Variants in PRKCB observed in about 807,000 individuals in gnomAD.
The protein encoded by PRKCB is protein kinase C beta.
Under a neutral mutation model 81.5 loss-of-function variants are expected in PRKCB, and 13 were observed. The ratio of observed to expected loss-of-function variants is 0.16; its 90% CI spans 0.10 to 0.25. The LOEUF (loss-of-function observed/expected upper bound fraction) is 0.25, where lower values mean the gene tolerates loss of function less well. PRKCB is among the 10% of genes least tolerant of loss of function. The pLI is 1.00. For missense variants in PRKCB, 509 were observed against 875.7 expected (o/e 0.58, Z 5.29); for synonymous variants, 335 against 321.4 (o/e 1.04, Z -0.45).
intron 13 of PRKCB, among the ~76,000 whole-genome samples, chr16:24,183,035 T>C (rs1377911751): frequency 6.6e-6 from 1 of 151,894 alleles, no homozygotes; most frequent in Non-Finnish European, 1.5e-5. Flanking sequence ...TTTTTTTGTA[T>C]TTTTTTAGTA....
At chr16:23,883,855 A>G (rs913057743) in intron 2 of PRKCB, among the ~76,000 whole-genome samples, 2 of 152,222 alleles carry the variant, frequency 1.3e-5, no homozygotes, top group African/African-American at 4.8e-5. Flanking sequence ...AACATGAGCC[A>G]TAAACCTGAG....
chr16:24,162,477 C>G (rs1967274405), intron 10 of PRKCB, among the ~76,000 whole-genome samples: 1 of 121,334 alleles, frequency 8.2e-6, no homozygotes, highest in Non-Finnish European at 1.6e-5. Flanking sequence ...GAGACAGGAT[C>G]TCCCTTTGTC....
chr16:24,011,859 A>G (rs983812416), intron 3 of PRKCB, among the ~76,000 whole-genome samples: 1 of 152,202 alleles, frequency 6.6e-6, no homozygotes, highest in Non-Finnish European at 1.5e-5. Context: ...AGATGATAAT[A>G]TACTACTTCT....
intron 9 of PRKCB, among the ~76,000 whole-genome samples, chr16:24,134,282 G>A (rs940483308): frequency 6.6e-6 from 1 of 151,818 alleles, no homozygotes; most frequent in Admixed American, 6.6e-5. Context: ...TGAAACAGCA[G>A]TTACAAAACG....
intron 9 of PRKCB, among the ~76,000 whole-genome samples, chr16:24,133,570 C>A (rs559820084): frequency 6.6e-6 from 1 of 152,286 alleles, no homozygotes; most frequent in South Asian, 2.1e-4. Context: ...ATTTTCTTAA[C>A]CCTTACCAAC....
chr16:24,035,990 A>G (rs1387032667), intron 5 of PRKCB, among the ~76,000 whole-genome samples: 5 of 152,152 alleles, frequency 3.3e-5, no homozygotes, highest in Non-Finnish European at 4.4e-5. Context: ...CTTGATGATA[A>G]ACCCCAGATT....
intron 2 of PRKCB, among the ~76,000 whole-genome samples, chr16:23,985,821 T>C (rs1964796451): frequency 6.6e-6 from 1 of 152,136 alleles, no homozygotes; most frequent in Non-Finnish European, 1.5e-5. Flanking sequence ...AGATATAACA[T>C]ATTACAGAGC....
At chr16:23,976,452 C>T (rs77285584) in intron 2 of PRKCB, among the ~76,000 whole-genome samples, 4,163 of 152,290 alleles carry the variant, frequency 0.027, 107 homozygotes, top group Middle Eastern at 0.051. Context: ...CTGAGTCACA[C>T]GCCCATGCCT....
chr16:24,198,394 C>G (rs780219984), intron 16 of PRKCB, among the ~76,000 whole-genome samples: 6 of 152,172 alleles, frequency 3.9e-5, no homozygotes, highest in Admixed American at 3.3e-4. Flanking sequence ...GCCCAGGGTA[C>G]AAGGATTCAG....
At chr16:24,064,711 A>G (rs1451784062) in intron 5 of PRKCB, among the ~76,000 whole-genome samples, 2 of 151,860 alleles carry the variant, frequency 1.3e-5, no homozygotes, top group African/African-American at 2.4e-5. Flanking sequence ...TTTTCCTTTC[A>G]GTTTTATCAA....
chr16:23,852,101 C>T (rs1444675382), intron 2 of PRKCB, among the ~76,000 whole-genome samples: 2 of 152,108 alleles, frequency 1.3e-5, no homozygotes, highest in African/African-American at 4.8e-5. Flanking sequence ...TATTAGGATG[C>T]CTTTTATTTC....
intron 2 of PRKCB, among the ~76,000 whole-genome samples, chr16:23,846,033 G>A (rs937635577): frequency 6.6e-6 from 1 of 152,168 alleles, no homozygotes; most frequent in Non-Finnish European, 1.5e-5. Context: ...TCCTCACCCT[G>A]TGTCCATCTC....
chr16:23,851,999 G>A (rs1029502635), intron 2 of PRKCB, among the ~76,000 whole-genome samples: 3 of 152,132 alleles, frequency 2.0e-5, no homozygotes, highest in African/African-American at 7.2e-5. Context: ...TTGTTGATCA[G>A]TTCTAACAGC....
chr16:23,953,466 G>A (rs1262744882), intron 2 of PRKCB, among the ~76,000 whole-genome samples: 1 of 152,220 alleles, frequency 6.6e-6, no homozygotes, highest in African/African-American at 2.4e-5. Flanking sequence ...GAGAAAGCAT[G>A]GGGTATCACA....
At chr16:24,124,228 GC>G (rs1425805200) in intron 9 of PRKCB, among the ~76,000 whole-genome samples, 5 of 152,170 alleles carry the variant, frequency 3.3e-5, no homozygotes, top group African/African-American at 1.2e-4. Flanking sequence ...GAAAGAACTA[GC>G]TATGCTTTCA....
At chr16:24,202,308 A>G (rs764227777) in intron 16 of PRKCB, among the ~76,000 whole-genome samples, 1 of 152,102 alleles carries the variant, frequency 6.6e-6, no homozygotes, top group Non-Finnish European at 1.5e-5. Context: ...AGTTCCTGCT[A>G]TTTCCACTTG....
chr16:24,151,673 G>A, intron 9 of PRKCB: 1 of 403,462 alleles, frequency 2.5e-6, no homozygotes, highest in South Asian at 1.8e-5. Flanking sequence ...CATAGACAGT[G>A]GGAGTCGAAT....
chr16:23,851,015 A>G lies in PRKCB; in HGVS notation c.205+13609A>G, dbSNP rs575508082. Among the ~76,000 whole-genome samples the G allele has an allele frequency of 5.3e-5, 8 of 152,214 alleles. No individual in the cohort carries two copies. The South Asian group carries it at 1.7e-3, about 32-fold the overall frequency. ...AGTTCTTTGTATATTTTGGATATTA[A>G]CTTCTTATCAGATACAGCATTTGCA... On this transcript the variant is annotated intron_variant, in intron 2 of 16. Coordinates refer to ENST00000643927, the MANE Select transcript of PRKCB (RefSeq NM_002738.7).
In PRKCB at chr16:23,866,267, C is replaced by T. The variant is rs536538021; in HGVS notation, c.205+28861C>T. ...CTCAGTCATGGGGTAATCATTATGG[C>T]CATGTTTATCCCCATACACGTATCT... On this transcript the variant is annotated intron_variant, in intron 2 of 16. Transcript: ENST00000643927. 3.3e-5 allele frequency among the ~76,000 whole-genome samples: 5 copies of T among 152,224 alleles called. No homozygotes were observed. In the South Asian group the frequency reaches 1.0e-3, roughly 32 times the overall value.
Sources: gnomAD v4.1 joint callset for allele counts (sites outside exome capture counted in the v4.1 genomes callset) on GRCh38, gnomAD v4.1.1 for gene constraint, MANE v1.5 for transcripts, NCBI Gene and HGNC (gene_info 2026-07-23, HGNC 2026-07-21) for gene names.